Variants in MDGA2 observed in about 807,000 individuals in gnomAD.
MDGA2 encodes MAM domain-containing glycosylphosphatidylinositol anchor protein 2.
In MDGA2, 40 loss-of-function variants were observed where a neutral mutation model predicts 117.8. That is an observed-to-expected ratio of 0.34 (90% CI 0.26 to 0.44). MDGA2 has a LOEUF of 0.44. Ranked by LOEUF, MDGA2 falls within the 20% of genes least tolerant of loss-of-function variation. The pLI, the probability that MDGA2 is intolerant of heterozygous loss-of-function variation, is 1.00. For synonymous variants in MDGA2, 452 were observed against 439.0 expected, an observed-to-expected ratio of 1.03 and a Z score of -0.37; for missense variants, 1,123 against 1,250.6, an observed-to-expected ratio of 0.90 and a Z score of 1.54.
chr14:46,854,942 C>A lies in MDGA2; in HGVS notation c.2883+82G>T. 5.8e-6 allele frequency: 7 copies of A among 1,214,334 alleles called. 1 individual carries two copies. In the South Asian group the frequency reaches 7.2e-5, roughly 12 times the overall value. The allele number at this position is 1,214,334 out of a possible 1,614,324, so 75.2% of individuals were successfully genotyped here. ...TTATATCGTGGAATTTCTGAATATT[C>A]ATATTTTAATATTTGCTCAAGATCC... On this transcript the variant is annotated intron_variant, in intron 15 of 16. Coordinates refer to ENST00000399232, the MANE Select transcript of MDGA2 (RefSeq NM_001113498.3).
At chr14:47,020,490 T>C (rs368441238) in intron 8 of MDGA2, among the ~76,000 whole-genome samples, 1 of 152,210 alleles carries the variant, frequency 6.6e-6, no homozygotes, top group Admixed American at 6.5e-5. Flanking sequence ...GTGACAGATA[T>C]GTTCCATCTT....
intron 1 of MDGA2, among the ~76,000 whole-genome samples, chr14:47,336,718 C>T (rs1438997662): frequency 6.6e-6 from 1 of 151,884 alleles, no homozygotes; most frequent in Non-Finnish European, 1.5e-5. Context: ...GAAAAGTAGG[C>T]CCCCTCAAGA....
At chr14:47,469,327 C>T (rs1893669705) in intron 1 of MDGA2, among the ~76,000 whole-genome samples, 1 of 152,134 alleles carries the variant, frequency 6.6e-6, no homozygotes, top group African/African-American at 2.4e-5. Flanking sequence ...CACAACAGGC[C>T]CTGGTGTGTG....
chr14:47,202,715 T>C (rs1172738479), intron 3 of MDGA2, among the ~76,000 whole-genome samples: 2 of 152,156 alleles, frequency 1.3e-5, no homozygotes, highest in African/African-American at 4.8e-5. Context: ...GTTCAGACAG[T>C]GAAAATATCT....
chr14:46,907,952 T>C (rs1014977109), intron 10 of MDGA2, among the ~76,000 whole-genome samples: 14 of 152,202 alleles, frequency 9.2e-5, no homozygotes, highest in African/African-American at 3.4e-4. Flanking sequence ...ATCTTTGTCC[T>C]AGGAATTAGC....
At chr14:47,551,294 G>A (rs1336918382) in intron 1 of MDGA2, among the ~76,000 whole-genome samples, 1 of 152,042 alleles carries the variant, frequency 6.6e-6, no homozygotes, top group Non-Finnish European at 1.5e-5. Flanking sequence ...ACTTATTAGG[G>A]TGATTTCTGA....
In MDGA2 at chr14:46,857,663, C is replaced by CT. The variant is rs957403415; in HGVS notation, c.2753-2510dup. On this transcript the variant is annotated intron_variant, in intron 14 of 16. Transcript: ENST00000399232. Reference sequence around the variant, plus strand: ...AAAATTTGTTTTATTTTATCTTATTCTTTTTTTAAGAGATGGGGTCTTGCT... The same window carrying CT: ...AAAATTTGTTTTATTTTATCTTATTCTTTTTTTTAAGAGATGGGGTCTTGCT... Among the ~76,000 whole-genome samples, 6 of 151,838 alleles carry CT rather than the reference C, an allele frequency of 4.0e-5. No individual in the cohort carries two copies. In the South Asian group the frequency reaches 8.3e-4, roughly 21 times the overall value.
chr14:47,021,906 T>G (rs1248222021), intron 8 of MDGA2, among the ~76,000 whole-genome samples: 1 of 152,154 alleles, frequency 6.6e-6, no homozygotes, highest in Non-Finnish European at 1.5e-5. Context: ...TATTCCAGAC[T>G]GTAACCGTAT....
In MDGA2 at chr14:47,281,866, G is replaced by C. The variant is rs184604376; in HGVS notation, c.420+19545C>G. 2.6e-5 allele frequency among the ~76,000 whole-genome samples: 4 copies of C among 151,924 alleles called. No individual in the cohort carries two copies. The East Asian group carries it at 7.8e-4, about 30-fold the overall frequency. The stretch of plus-strand genomic sequence containing the variant: ...GAGGTCGGAAGCTCGAGACCAACCT[G>C]GCCAACATGGTGAAACTCCATCTCT... On this transcript the variant is annotated intron_variant, in intron 2 of 16. Coordinates refer to ENST00000399232, the MANE Select transcript of MDGA2 (RefSeq NM_001113498.3).
intron 1 of MDGA2, among the ~76,000 whole-genome samples, chr14:47,408,666 T>G (rs538007096): frequency 7.0e-4 from 106 of 152,338 alleles, no homozygotes; most frequent in African/African-American, 2.2e-3. Flanking sequence ...GCTGCCTCTA[T>G]ATTTGTGTAA....
intron 10 of MDGA2, among the ~76,000 whole-genome samples, chr14:46,901,204 G>C (rs1286302292): frequency 8.3e-6 from 1 of 120,506 alleles, no homozygotes; most frequent in Non-Finnish European, 1.7e-5. Flanking sequence ...GAGGGGGGAG[G>C]GATAGCTTTA....
At chr14:47,029,586 A>ATATT (rs1315923171) in intron 8 of MDGA2, among the ~76,000 whole-genome samples, 1 of 152,140 alleles carries the variant, frequency 6.6e-6, no homozygotes, top group Non-Finnish European at 1.5e-5. Flanking sequence ...TCAATGCAAT[A>ATATT]TATTCTCCAG....
At chr14:47,343,416 C>A (rs1280589072) in intron 1 of MDGA2, among the ~76,000 whole-genome samples, 2 of 152,056 alleles carry the variant, frequency 1.3e-5, no homozygotes, top group Non-Finnish European at 1.5e-5. Flanking sequence ...TGTTTGTGTT[C>A]TTTGTATCAT....
intron 8 of MDGA2, among the ~76,000 whole-genome samples, chr14:47,010,872 T>G (rs758735116): frequency 7.9e-5 from 12 of 152,086 alleles, no homozygotes; most frequent in Non-Finnish European, 1.8e-4. Flanking sequence ...TAATTAAACT[T>G]GGTACCTCAT....
chr14:47,046,602 AAAAT>A (rs34663840), intron 7 of MDGA2, among the ~76,000 whole-genome samples: 52 of 149,086 alleles, frequency 3.5e-4, no homozygotes, highest in African/African-American at 1.1e-3. Context: ...AAGTATAATA[AAAAT>A]AAATAAATAA....
intron 8 of MDGA2, among the ~76,000 whole-genome samples, chr14:46,978,327 T>C (rs1049554021): frequency 2.0e-5 from 3 of 151,910 alleles, no homozygotes; most frequent in Non-Finnish European, 4.4e-5. Flanking sequence ...GGTTTCAAAA[T>C]TGGCTTCTTC....
At chr14:47,314,591 T>G (rs183593688) in intron 1 of MDGA2, among the ~76,000 whole-genome samples, 6 of 151,704 alleles carry the variant, frequency 4.0e-5, no homozygotes, top group Admixed American at 1.3e-4. Flanking sequence ...GGTGGGAGGG[T>G]CCCTTGAGTC....
intron 1 of MDGA2, among the ~76,000 whole-genome samples, chr14:47,395,056 G>A (rs1185858921): frequency 6.6e-6 from 1 of 152,144 alleles, no homozygotes; most frequent in Non-Finnish European, 1.5e-5. Flanking sequence ...TCAGGAGGCT[G>A]AGGCAGGAGG....
At chr14:46,976,238 A>G (rs1304689491) in intron 8 of MDGA2, among the ~76,000 whole-genome samples, 1 of 152,158 alleles carries the variant, frequency 6.6e-6, no homozygotes, top group Non-Finnish European at 1.5e-5. Flanking sequence ...TTTTACCACA[A>G]TAACAAAAAT....
Sources: gnomAD v4.1 joint callset for allele counts (sites outside exome capture counted in the v4.1 genomes callset) on GRCh38, gnomAD v4.1.1 for gene constraint, MANE v1.5 for transcripts, NCBI Gene and HGNC (gene_info 2026-07-23, HGNC 2026-07-21) for gene names.